ENTREP2: variants seen among roughly 807,000 people sequenced by gnomAD.
ENTREP2 encodes endosomal transmembrane epsin interactor 2.
chr15:29,581,893 T>C, the ENTREP2 span, among the ~76,000 whole-genome samples: 4 of 151,884 alleles, frequency 2.6e-5, no homozygotes, highest in African/African-American at 7.3e-5. Context: ...GACACACAGT[T>C]CAATGTAACT....
At chr15:29,648,905 C>G in the ENTREP2 span, among the ~76,000 whole-genome samples, 1 of 151,842 alleles carries the variant, frequency 6.6e-6, no homozygotes, top group African/African-American at 2.4e-5. Context: ...TGCCATTGTA[C>G]TCCAGCCTGG....
chr15:29,189,123 A>C, the ENTREP2 span, among the ~76,000 whole-genome samples: 1 of 152,204 alleles, frequency 6.6e-6, no homozygotes, highest in African/African-American at 2.4e-5. Flanking sequence ...ATCAAACCCA[A>C]GTAGGGGGTT....
At chr15:29,631,457 G>A in the ENTREP2 span, among the ~76,000 whole-genome samples, 1 of 152,174 alleles carries the variant, frequency 6.6e-6, no homozygotes, top group Non-Finnish European at 1.5e-5. Context: ...CGGGTCCAAT[G>A]ACGACTGAGT....
the ENTREP2 span, among the ~76,000 whole-genome samples, chr15:29,566,891 A>G: frequency 6.6e-6 from 1 of 151,286 alleles, no homozygotes; most frequent in Non-Finnish European, 1.5e-5. Flanking sequence ...TCAGCTTCCA[A>G]TGGCTACGTC....
At chr15:29,484,806 G>A in the ENTREP2 span, among the ~76,000 whole-genome samples, 2 of 152,142 alleles carry the variant, frequency 1.3e-5, no homozygotes, top group Non-Finnish European at 2.9e-5. Context: ...AAGTCACAAA[G>A]TATCTATTGA....
At chr15:29,207,142 G>C in the ENTREP2 span, among the ~76,000 whole-genome samples, 1 of 152,130 alleles carries the variant, frequency 6.6e-6, no homozygotes, top group African/African-American at 2.4e-5. Flanking sequence ...GCACCTTTTT[G>C]TTCCTGGAGA....
chr15:29,336,010 C>T, the ENTREP2 span, among the ~76,000 whole-genome samples: 6 of 151,834 alleles, frequency 4.0e-5, no homozygotes, highest in East Asian at 5.9e-4. Flanking sequence ...GGCCTGGTGT[C>T]GGGCGCCTGT....
At chr15:29,504,967 T>G in the ENTREP2 span, among the ~76,000 whole-genome samples, 1 of 152,208 alleles carries the variant, frequency 6.6e-6, no homozygotes, top group Admixed American at 6.5e-5. Flanking sequence ...GCAAAGATTT[T>G]GATACAAGGA....
At chr15:29,257,594 C>T in the ENTREP2 span, among the ~76,000 whole-genome samples, 2 of 152,086 alleles carry the variant, frequency 1.3e-5, no homozygotes, top group Non-Finnish European at 2.9e-5. Flanking sequence ...CCTCATCATA[C>T]GACTGGTACT....
At chr15:29,301,098 G>A in the ENTREP2 span, among the ~76,000 whole-genome samples, 78,405 of 151,928 alleles carry the variant, frequency 0.52, 22,718 homozygotes, top group African/African-American at 0.81. Flanking sequence ...GCAAAGTTTG[G>A]ATTTTCTAAC....
the ENTREP2 span, among the ~76,000 whole-genome samples, chr15:29,621,603 A>AC: frequency 3.3e-5 from 5 of 150,970 alleles, no homozygotes; most frequent in Non-Finnish European, 7.4e-5. Context: ...AAAAAAAAAA[A>AC]AAAAACCCAG....
At chr15:29,444,011 G>A in the ENTREP2 span, among the ~76,000 whole-genome samples, 2 of 152,122 alleles carry the variant, frequency 1.3e-5, no homozygotes, top group Admixed American at 6.5e-5. Context: ...GGCTGAGGCA[G>A]GAGAATGGCG....
At chr15:29,541,107 G>C in the ENTREP2 span, among the ~76,000 whole-genome samples, 9 of 152,224 alleles carry the variant, frequency 5.9e-5, no homozygotes, top group Admixed American at 5.9e-4. Flanking sequence ...GGTATTCACC[G>C]GGTCTGCACT....
At chr15:29,600,182 G>T in the ENTREP2 span, among the ~76,000 whole-genome samples, 2 of 152,016 alleles carry the variant, frequency 1.3e-5, no homozygotes, top group African/African-American at 4.8e-5. Flanking sequence ...AGCATGCATG[G>T]CTTGAGAAAC....
chr15:29,613,346 G>A, the ENTREP2 span: 5 of 304,274 alleles, frequency 1.6e-5, no homozygotes, highest in Non-Finnish European at 3.3e-5. Context: ...GCAGTACACA[G>A]TGGAGCTGAG....
At chr15:29,159,443 G>A in the ENTREP2 span, among the ~76,000 whole-genome samples, 1 of 152,288 alleles carries the variant, frequency 6.6e-6, no homozygotes, top group East Asian at 1.9e-4. Context: ...AAAGGACAGG[G>A]CCGGGTTGCT....
At chr15:29,145,255 G>A in the ENTREP2 span, among the ~76,000 whole-genome samples, 1 of 152,096 alleles carries the variant, frequency 6.6e-6, no homozygotes, top group East Asian at 1.9e-4. Flanking sequence ...ATAGAACAGA[G>A]GACAAAAACC....
At chr15:29,639,840 C>T in the ENTREP2 span, among the ~76,000 whole-genome samples, 2 of 147,866 alleles carry the variant, frequency 1.4e-5, no homozygotes, top group Admixed American at 1.3e-4. Context: ...ATAATCTCGG[C>T]TCACTGCAAC....
the ENTREP2 span, among the ~76,000 whole-genome samples, chr15:29,205,894 C>T: frequency 6.6e-6 from 1 of 152,152 alleles, no homozygotes; most frequent in Non-Finnish European, 1.5e-5. Flanking sequence ...ATTTTTGCTT[C>T]CTTTGTCTCA....
Sources: gnomAD v4.1 joint callset for allele counts (sites outside exome capture counted in the v4.1 genomes callset) on GRCh38, gnomAD v4.1.1 for gene constraint, MANE v1.5 for transcripts, NCBI Gene and HGNC (gene_info 2026-07-23, HGNC 2026-07-21) for gene names.